CMTM8: variants seen among roughly 807,000 people sequenced by gnomAD.
CMTM8 encodes the protein CKLF like MARVEL transmembrane domain containing 8.
CMTM8 carries 12 observed loss-of-function variants against 18.6 expected under a neutral mutation model. That is an observed-to-expected ratio of 0.65 (90% CI 0.41 to 1.05). CMTM8 has a LOEUF of 1.05. Among genes scored for constraint, CMTM8 ranks in the 50% least tolerant of loss-of-function variants. The probability of loss-of-function intolerance (pLI) is 0.00; values close to 1 mark genes in which losing one functional copy is unlikely to be tolerated. For missense variants in CMTM8, 217 were observed against 227.2 expected, an observed-to-expected ratio of 0.95 and a Z score of 0.29; for synonymous variants, 87 against 90.6, an observed-to-expected ratio of 0.96 and a Z score of 0.23.
chr3:32,266,978 A>C (rs9682462), intron 1 of CMTM8, among the ~76,000 whole-genome samples: 150,841 of 152,118 alleles, frequency 0.99, 74,803 homozygotes, highest in Middle Eastern at 1. Flanking sequence ...AGAACATTCC[A>C]TGCTCATGGA....
At chr3:32,349,478 T>G (rs1393560340) in intron 1 of CMTM8, among the ~76,000 whole-genome samples, 2 of 152,180 alleles carry the variant, frequency 1.3e-5, no homozygotes, top group Non-Finnish European at 2.9e-5. Context: ...TGTTCAGACC[T>G]TCAACTGTGC....
At chr3:32,320,990 T>C (rs1431413277) in intron 1 of CMTM8, among the ~76,000 whole-genome samples, 2 of 152,204 alleles carry the variant, frequency 1.3e-5, no homozygotes, top group Admixed American at 6.5e-5. Flanking sequence ...AGCATCTTTG[T>C]ACTTCATAGG....
chr3:32,247,234 A>G (rs1043956716), intron 1 of CMTM8, among the ~76,000 whole-genome samples: 2 of 152,150 alleles, frequency 1.3e-5, no homozygotes, highest in African/African-American at 4.8e-5. Context: ...TACATATAAA[A>G]TTGACCTTTT....
intron 1 of CMTM8, chr3:32,259,774 C>T: frequency 1.2e-6 from 1 of 866,144 alleles, no homozygotes; most frequent in Non-Finnish European, 2.0e-6. Context: ...AGGAGAGCAC[C>T]ACAGTGGTCA....
chr3:32,370,252 T>C lies in CMTM8; in HGVS notation c.*285T>C, dbSNP rs998263449. On this transcript the variant is annotated 3_prime_UTR_variant, in exon 4 of 4. Transcript: ENST00000307526. ...ATAGATAAATTGCTAATATTGAGAATGTGTCAAGTTTGTAAACCTAACTTT... is the reference window on the plus strand; with the variant it reads ...ATAGATAAATTGCTAATATTGAGAACGTGTCAAGTTTGTAAACCTAACTTT... The C allele has an allele frequency of 1.2e-5, 2 of 168,170 alleles. No individual in the cohort carries two copies. The highest frequency in any genetic ancestry group is 4.8e-5 in the African/African-American group (2 of 42,068). 10.4% of individuals were successfully genotyped at this position (168,170 alleles called of 1,614,324 possible).
At chr3:32,350,204 AC>A (rs993553063) in intron 1 of CMTM8, among the ~76,000 whole-genome samples, 58 of 151,660 alleles carry the variant, frequency 3.8e-4, no homozygotes, top group African/African-American at 1.3e-3. Context: ...CTCCTCTCCC[AC>A]CCCCAACCTT....
At chr3:32,329,861 C>T (rs912033662) in intron 1 of CMTM8, among the ~76,000 whole-genome samples, 10 of 152,136 alleles carry the variant, frequency 6.6e-5, no homozygotes, top group African/African-American at 1.9e-4. Flanking sequence ...ACTAAAGATT[C>T]TACCAAAAAA....
At chr3:32,336,006 G>A (rs1419149053) in intron 1 of CMTM8, among the ~76,000 whole-genome samples, 7 of 152,206 alleles carry the variant, frequency 4.6e-5, no homozygotes, top group East Asian at 1.9e-4. Flanking sequence ...CCAGGGCAGC[G>A]ACTCTCAGCA....
At chr3:32,301,144 G>A (rs1224652421) in intron 1 of CMTM8, among the ~76,000 whole-genome samples, 1 of 152,110 alleles carries the variant, frequency 6.6e-6, no homozygotes. Context: ...CTATATGCCA[G>A]GTAGGACATT....
At chr3:32,243,513 A>T (rs1359071478) in intron 1 of CMTM8, among the ~76,000 whole-genome samples, 1 of 140,674 alleles carries the variant, frequency 7.1e-6, no homozygotes, top group African/African-American at 2.6e-5. Context: ...CCTGGGTAAC[A>T]TTGTGAGACC....
At position 32,367,283 on chromosome 3, in the gene CMTM8, C is replaced by G. The variant is rs541437723; in HGVS notation, c.322-589C>G. On this transcript the variant is annotated intron_variant, in intron 2 of 3. Transcript: ENST00000307526. ...ATACCTACCGGGACTTACATATCTT[C>G]TCTAAAAATAGGAACAAATAAGGTA... Among the ~76,000 whole-genome samples, 4 of 152,352 alleles carry G rather than the reference C, an allele frequency of 2.6e-5. No homozygotes were observed. In the East Asian group the frequency reaches 7.7e-4, roughly 29 times the overall value.
At chr3:32,286,479 G>C (rs528361386) in intron 1 of CMTM8, among the ~76,000 whole-genome samples, 109 of 152,228 alleles carry the variant, frequency 7.2e-4, no homozygotes, top group African/African-American at 2.5e-3. Flanking sequence ...TGGTGGCAAA[G>C]TTAATGTTCC....
chr3:32,327,816 C>T (rs1386059666), intron 1 of CMTM8, among the ~76,000 whole-genome samples: 4 of 152,120 alleles, frequency 2.6e-5, no homozygotes, highest in Admixed American at 6.6e-5. Context: ...AGATTCTTTT[C>T]GATTATAGTA....
chr3:32,322,920 C>T (rs915401070), intron 1 of CMTM8, among the ~76,000 whole-genome samples: 10 of 152,200 alleles, frequency 6.6e-5, no homozygotes, highest in Non-Finnish European at 1.0e-4. Flanking sequence ...GTTCCTGCTT[C>T]TCCAGAGTAG....
chr3:32,365,303 G>GAAA (rs71630518), intron 2 of CMTM8, among the ~76,000 whole-genome samples: 6,696 of 144,664 alleles, frequency 0.046, 200 homozygotes, highest in Middle Eastern at 0.1. Flanking sequence ...CGGTATTTGA[G>GAAA]AAAAAAAAAA....
At chr3:32,259,609 A>G in intron 1 of CMTM8, 3 of 1,243,678 alleles carry the variant, frequency 2.4e-6, no homozygotes, top group South Asian at 1.2e-5. Context: ...TAAAAGGCCT[A>G]CAAGCCCAGA....
chr3:32,316,325 C>T (rs1023817148), intron 1 of CMTM8, among the ~76,000 whole-genome samples: 1 of 152,168 alleles, frequency 6.6e-6, no homozygotes, highest in African/African-American at 2.4e-5. Flanking sequence ...CCACACCCGG[C>T]CAATTCCACC....
At chr3:32,345,588 G>A (rs1324403504) in intron 1 of CMTM8, among the ~76,000 whole-genome samples, 1 of 152,150 alleles carries the variant, frequency 6.6e-6, no homozygotes, top group East Asian at 1.9e-4. Flanking sequence ...GTTCACAGGA[G>A]AGGTTGGAAA....
chr3:32,265,029 C>T (rs1430366076), intron 1 of CMTM8, among the ~76,000 whole-genome samples: 1 of 152,124 alleles, frequency 6.6e-6, no homozygotes, highest in Non-Finnish European at 1.5e-5. Flanking sequence ...CCAATGTCAA[C>T]ATTAGACAGA....
Sources: allele counts gnomAD v4.1 joint callset (sites outside exome capture counted in the v4.1 genomes callset), GRCh38; gene constraint gnomAD v4.1.1; transcripts MANE v1.5; gene names NCBI Gene and HGNC (gene_info 2026-07-23, HGNC 2026-07-21).